PLXDC2: variants seen among roughly 807,000 people sequenced by gnomAD.
PLXDC2 encodes plexin domain containing 2, also known as plexin domain-containing protein 2.
Under a neutral mutation model 68.9 loss-of-function variants are expected in PLXDC2, and 40 were observed. The ratio of observed to expected loss-of-function variants is 0.58; its 90% confidence interval spans 0.45 to 0.76. The LOEUF (loss-of-function observed/expected upper bound fraction) is 0.76, where lower values mean the gene tolerates loss of function less well. Ranked by LOEUF, PLXDC2 falls within the 30% of genes least tolerant of loss-of-function variation. PLXDC2 has a pLI of 0.00. For missense variants in PLXDC2, 644 were observed against 661.9 expected (o/e 0.97, Z 0.30); for synonymous variants, 243 against 234.2 (o/e 1.04, Z -0.34).
At chr10:20,031,889 A>G (rs1835506583) in intron 2 of PLXDC2, among the ~76,000 whole-genome samples, 1 of 151,958 alleles carries the variant, frequency 6.6e-6, no homozygotes, top group South Asian at 2.1e-4. Flanking sequence ...GCAGTGGCAT[A>G]ATCTCGGCCC....
intron 4 of PLXDC2, 96 bp from the exon 5 acceptor site, chr10:20,143,199 T>A (rs1431216613): frequency 7.8e-7 from 1 of 1,275,466 alleles, no homozygotes; most frequent in East Asian, 2.4e-5. Flanking sequence ...GACATTTTAT[T>A]TTCATAATAT....
intron 1 of PLXDC2, among the ~76,000 whole-genome samples, chr10:19,902,320 A>C (rs1191788302): frequency 6.6e-6 from 1 of 151,952 alleles, no homozygotes; most frequent in African/African-American, 2.4e-5. Context: ...ATGTGTTTGC[A>C]TTTGTTTGTG....
chr10:20,283,363 A>G lies in PLXDC2; in HGVS notation c.*3544A>G, dbSNP rs1243487666. The G allele has an allele frequency of 6.6e-6, 1 of 152,230 alleles. No homozygotes were observed. Among genetic ancestry groups the G allele is most frequent in the African/African-American group, 2.4e-5 (1 of 41,468 alleles). 9.4% of individuals were successfully genotyped at this position (152,230 alleles called of 1,614,324 possible). On this transcript the variant is annotated 3_prime_UTR_variant, in exon 14 of 14. Coordinates refer to ENST00000377252, the MANE Select transcript of PLXDC2 (RefSeq NM_032812.9). ...TATTATGCAACCTGATTAAATGTACAGATGTGCAGACTCTTAAAAACCTTA... is the reference window on the plus strand; with the variant it reads ...TATTATGCAACCTGATTAAATGTACGGATGTGCAGACTCTTAAAAACCTTA...
At chr10:20,177,964 A>G (rs1026146257) in intron 9 of PLXDC2, among the ~76,000 whole-genome samples, 1 of 152,128 alleles carries the variant, frequency 6.6e-6, no homozygotes, top group Non-Finnish European at 1.5e-5. Context: ...TATATTTATA[A>G]TTCTCTGTGG....
At chr10:20,034,894 T>C (rs977238834) in intron 2 of PLXDC2, among the ~76,000 whole-genome samples, 2 of 152,202 alleles carry the variant, frequency 1.3e-5, no homozygotes, top group Non-Finnish European at 2.9e-5. Flanking sequence ...AGGTGTGAAG[T>C]AGATTATACC....
In PLXDC2 at chr10:20,098,381, G is replaced by A. The variant is rs138456031; in HGVS notation, c.541+30142G>A. Among the ~76,000 whole-genome samples the A allele has an allele frequency of 8.7e-3, 1,324 of 151,656 alleles. 6 individuals carry two copies. The highest frequency in any genetic ancestry group is 0.014 in the Non-Finnish European group (962 of 67,930). ...TATGTGTGTGTGTGTGTGTGTGTGT[G>A]TGTATGTATGTAATCTCCCATCTCC... is the stretch of plus-strand genomic sequence containing the variant. On this transcript the variant is annotated intron_variant, in intron 4 of 13. Transcript: ENST00000377252.
At chr10:20,278,936 ACATCT>A (rs754838504) in intron 13 of PLXDC2, among the ~76,000 whole-genome samples, 3 of 152,180 alleles carry the variant, frequency 2.0e-5, no homozygotes, top group Non-Finnish European at 4.4e-5. Context: ...TCATTTCAGT[ACATCT>A]ATTTGTAAAT....
intron 1 of PLXDC2, among the ~76,000 whole-genome samples, chr10:19,988,867 C>T (rs1412009220): frequency 1.5e-5 from 2 of 129,762 alleles, no homozygotes; most frequent in African/African-American, 5.7e-5. Context: ...GCCATCTCTG[C>T]TCACTGCAAC....
chr10:20,186,817 T>C (rs901126423), intron 9 of PLXDC2, among the ~76,000 whole-genome samples: 1 of 151,982 alleles, frequency 6.6e-6, no homozygotes, highest in Non-Finnish European at 1.5e-5. Context: ...AGTCTACCAT[T>C]GATGGGCATT....
In PLXDC2 at chr10:20,247,296, C is replaced by CAA. The variant is rs77665495; in HGVS notation, c.1473+1805_1473+1806dup. ...GCAACATGGTGAAACTTCATCTCTA[C>CAA]AAAAAAAAAAAAAAAGAAAAAAAGA... On this transcript the variant is annotated intron_variant, in intron 13 of 13. Coordinates refer to ENST00000377252, the MANE Select transcript of PLXDC2 (RefSeq NM_032812.9). 8.4e-3 allele frequency among the ~76,000 whole-genome samples: 812 copies of CAA among 96,484 alleles called. 9 individuals carry two copies. Among genetic ancestry groups the CAA allele is most frequent in the African/African-American group, 0.024 (683 of 28,852 alleles). The allele number at this position is 96,484 out of a possible 152,430, so 63.3% of individuals were successfully genotyped here. A position where few individuals can be genotyped will look rare whatever the true frequency, so the allele number is the denominator to read the frequency against.
At chr10:20,150,744 G>A (rs1000917638) in intron 6 of PLXDC2, among the ~76,000 whole-genome samples, 8 of 152,150 alleles carry the variant, frequency 5.3e-5, no homozygotes, top group Non-Finnish European at 7.4e-5. Flanking sequence ...TTGTGGCTTC[G>A]CTTGCTAGTC....
chr10:19,922,018 C>T (rs926924310), intron 1 of PLXDC2, among the ~76,000 whole-genome samples: 2 of 152,068 alleles, frequency 1.3e-5, no homozygotes, highest in African/African-American at 4.8e-5. Context: ...ACCACCATGC[C>T]CGACTAATTT....
At chr10:19,903,551 T>C (rs1223082066) in intron 1 of PLXDC2, among the ~76,000 whole-genome samples, 1 of 152,072 alleles carries the variant, frequency 6.6e-6, no homozygotes, top group Non-Finnish European at 1.5e-5. Context: ...ATTGAGCTTA[T>C]TTGGATTTTT....
At chr10:20,171,821 T>C (rs535806538) in intron 7 of PLXDC2, among the ~76,000 whole-genome samples, 12 of 152,240 alleles carry the variant, frequency 7.9e-5, no homozygotes, top group Admixed American at 7.2e-4. Context: ...AATTTAGAAC[T>C]GTGTCTAGCT....
intron 1 of PLXDC2, among the ~76,000 whole-genome samples, chr10:19,986,061 C>G (rs988995805): frequency 2.0e-5 from 3 of 152,172 alleles, no homozygotes; most frequent in Non-Finnish European, 4.4e-5. Flanking sequence ...AAGCTTGAAG[C>G]TGGCATGATT....
Position 20,280,967 on chromosome 10 carries a change from C to CT in PLXDC2, c.*1149dup, listed in dbSNP as rs1276602764. On this transcript the variant is annotated 3_prime_UTR_variant, in exon 14 of 14. Transcript: ENST00000377252. ...TAACACAAGGCAGGATCTTGTGACTCTAAGAGTGCGTTTTGTCATCAAGGC... is the reference window on the plus strand; with the variant it reads ...TAACACAAGGCAGGATCTTGTGACTCTTAAGAGTGCGTTTTGTCATCAAGGC... 2 of 151,968 alleles carry CT rather than the reference C, an allele frequency of 1.3e-5. No homozygotes were observed. The highest frequency in any genetic ancestry group is 4.8e-5 in the African/African-American group (2 of 41,386). The allele number at this position is 151,968 out of a possible 1,614,324, so 9.4% of individuals were successfully genotyped here.
At chr10:20,126,150 ATATAT>A (rs764396920) in intron 4 of PLXDC2, among the ~76,000 whole-genome samples, 54 of 146,714 alleles carry the variant, frequency 3.7e-4, no homozygotes, top group East Asian at 7.9e-4. Flanking sequence ...TATATATAAC[ATATAT>A]TATGTATGTA....
At chr10:19,898,424 G>A (rs780514969) in intron 1 of PLXDC2, among the ~76,000 whole-genome samples, 1 of 152,128 alleles carries the variant, frequency 6.6e-6, no homozygotes, top group East Asian at 1.9e-4. Flanking sequence ...GTCTGGAAAC[G>A]TTAAAACAGG....
At chr10:20,025,379 C>T (rs1298672883) in intron 2 of PLXDC2, among the ~76,000 whole-genome samples, 1 of 152,006 alleles carries the variant, frequency 6.6e-6, no homozygotes, top group Non-Finnish European at 1.5e-5. Context: ...TCTCCTGCCT[C>T]AACCTCCCAA....
Sources: allele counts gnomAD v4.1 joint callset (sites outside exome capture counted in the v4.1 genomes callset), GRCh38; gene constraint gnomAD v4.1.1; transcripts MANE v1.5; gene names NCBI Gene and HGNC (gene_info 2026-07-23, HGNC 2026-07-21).